The following SPTBN1 variants were observed in gnomAD, a reference collection of about 807,000 sequenced individuals.
The protein encoded by SPTBN1 is spectrin beta chain, non-erythrocytic 1.
Under a neutral mutation model 266.4 loss-of-function variants are expected in SPTBN1, and 32 were observed. The observed-to-expected ratio is 0.12, with a 90% confidence interval of 0.09 to 0.16. The LOEUF is 0.16. Ranked by LOEUF, SPTBN1 falls within the 10% of genes least tolerant of loss-of-function variation. The pLI is 1.00. For synonymous variants in SPTBN1, 1,336 were observed against 1,162.2 expected (o/e 1.15, Z -3.04); for missense variants, 2,296 against 3,067.1 (o/e 0.75, Z 5.94).
At chr2:54,652,146 C>T (rs1040777036) in intron 26 of SPTBN1, among the ~76,000 whole-genome samples, 1 of 152,108 alleles carries the variant, frequency 6.6e-6, no homozygotes, top group Non-Finnish European at 1.5e-5. Flanking sequence ...GTGTCCATTC[C>T]CCTATATGTG....
At chr2:54,612,538 T>C (rs760527874) in intron 4 of SPTBN1, among the ~76,000 whole-genome samples, 2 of 152,190 alleles carry the variant, frequency 1.3e-5, no homozygotes, top group African/African-American at 2.4e-5. Context: ...CCTGCAATTG[T>C]ACTAGCCCTG....
In SPTBN1 at chr2:54,554,919, GTCC is replaced by G. The variant is rs992626565; in HGVS notation, c.148+28367_148+28369del. Among the ~76,000 whole-genome samples the G allele has an allele frequency of 2.0e-5, 3 of 152,000 alleles. No individual in the cohort carries two copies. The highest frequency in any genetic ancestry group is 4.4e-5 in the Non-Finnish European group (3 of 67,992). On this transcript the variant is annotated intron_variant, in intron 2 of 35. Coordinates refer to ENST00000356805, the MANE Select transcript of SPTBN1 (RefSeq NM_003128.3). This position sits in a 1 kb window ranked among gnomAD's most constrained non-coding sequence, Gnocchi z 4.5. ...GTCTCATCTTCATAGCTTCTTCTTC[GTCC>G]TCCTCCTCCTCCTTTCTCGTTATTT...
intron 23 of SPTBN1, 125 bp from the exon 24 acceptor site, chr2:54,647,006 G>C (rs1341992410): frequency 7.2e-7 from 1 of 1,396,424 alleles, no homozygotes; most frequent in Non-Finnish European, 9.8e-7. Context: ...TGTCCGTACT[G>C]CACCTCTGGA....
At chr2:54,618,840 G>A (rs1248487686) in intron 7 of SPTBN1, among the ~76,000 whole-genome samples, 2 of 152,154 alleles carry the variant, frequency 1.3e-5, no homozygotes, top group Non-Finnish European at 2.9e-5. Flanking sequence ...TCTTACAGCT[G>A]CATCCCATTA....
rs1379040363 is a variant in SPTBN1 at position 54,668,977 on chromosome 2, T to C, written c.*408T>C. ...ATCCTGACACCATTCTCTCTCCATT[T>C]ACTTCTGGTGGTTACCCTGACTCTT... is the stretch of plus-strand genomic sequence containing the variant. On this transcript the variant is annotated 3_prime_UTR_variant, in exon 36 of 36. Coordinates refer to ENST00000356805, the MANE Select transcript of SPTBN1 (RefSeq NM_003128.3). The C allele has an allele frequency of 3.6e-5, 8 of 219,452 alleles. No individual in the cohort carries two copies. The highest frequency in any genetic ancestry group is 7.4e-5 in the Non-Finnish European group (8 of 108,644). The allele number at this position is 219,452 out of a possible 1,614,324, so 13.6% of individuals were successfully genotyped here.
intron 1 of SPTBN1, among the ~76,000 whole-genome samples, chr2:54,485,342 C>T (rs535170084): frequency 3.6e-4 from 55 of 152,312 alleles, no homozygotes; most frequent in Non-Finnish European, 6.3e-4. Context: ...AGGCACGCGC[C>T]GCCACGCCTG....
intron 3 of SPTBN1, among the ~76,000 whole-genome samples, chr2:54,610,483 T>C (rs1196204917): frequency 1.3e-5 from 2 of 152,216 alleles, no homozygotes; most frequent in Non-Finnish European, 2.9e-5. Context: ...CAGGCTGGTC[T>C]CAAACTCCTG....
In SPTBN1 at chr2:54,579,255, A is replaced by G. The variant is rs77587351; in HGVS notation, c.149-19837A>G. Among the ~76,000 whole-genome samples, 1,377 of 152,314 alleles carry G rather than the reference A, an allele frequency of 9.0e-3. 22 individuals are homozygous for G. Among genetic ancestry groups the G allele is most frequent in the African/African-American group, 0.03 (1,255 of 41,564 alleles). On this transcript the variant is annotated intron_variant, in intron 2 of 35. Transcript: ENST00000356805. ...GCTTTGACGGCACATAGAATGAAGTATAACAGCTTCCGTTTGACCTGAGGC... is the reference window on the plus strand; with the variant it reads ...GCTTTGACGGCACATAGAATGAAGTGTAACAGCTTCCGTTTGACCTGAGGC...
At chr2:54,456,827 C>T (rs959770206) in intron 1 of SPTBN1, among the ~76,000 whole-genome samples, 3 of 151,316 alleles carry the variant, frequency 2.0e-5, no homozygotes, top group South Asian at 2.1e-4. Context: ...GCCCCAGCCC[C>T]GGCGCGGCGC....
Position 54,558,956 on chromosome 2 carries a change from A to T in SPTBN1, c.148+32390A>T. The T allele has an allele frequency of 6.5e-7, 1 of 1,536,434 alleles. No individual in the cohort carries two copies. The highest frequency in any genetic ancestry group is 1.2e-5 in the South Asian group (1 of 82,726). On this transcript the variant is annotated intron_variant, in intron 2 of 35. Coordinates refer to ENST00000356805, the MANE Select transcript of SPTBN1 (RefSeq NM_003128.3). The surrounding 1 kb of genome is among the most constrained non-coding windows in gnomAD (Gnocchi z 4.6). ...GGGGTTCTTGGAGGCTTTATTTGTG[A>T]CCCTAATGAAGACGGGCGGCTTCAC...
chr2:54,558,041 C>G lies in SPTBN1; in HGVS notation c.148+31475C>G. Reference sequence around the variant, plus strand: ...CCTTGGGGCTCTTCACTCTCCAGGCCGTCCCGTGGGCGCGCTAGCCTTTTC... The same window carrying G: ...CCTTGGGGCTCTTCACTCTCCAGGCGGTCCCGTGGGCGCGCTAGCCTTTTC... On this transcript the variant is annotated intron_variant, in intron 2 of 35. Coordinates refer to ENST00000356805, the MANE Select transcript of SPTBN1 (RefSeq NM_003128.3). The surrounding 1 kb of genome is among the most constrained non-coding windows in gnomAD (Gnocchi z 4.6). The G allele has an allele frequency of 1.0e-6, 1 of 985,420 alleles. No homozygotes were observed. Among genetic ancestry groups the G allele is most frequent in the Non-Finnish European group, 1.2e-6 (1 of 829,930 alleles). 61.0% of individuals were successfully genotyped at this position (985,420 alleles called of 1,614,324 possible).
chr2:54,562,684 C>T (rs1177950146), intron 2 of SPTBN1, among the ~76,000 whole-genome samples: 2 of 132,222 alleles, frequency 1.5e-5, no homozygotes, highest in African/African-American at 3.3e-5. Context: ...GCACTTGCCA[C>T]CAAACCCTGC....
intron 2 of SPTBN1, among the ~76,000 whole-genome samples, chr2:54,532,960 AT>A (rs750134105): frequency 3.6e-4 from 54 of 151,298 alleles, no homozygotes; most frequent in Admixed American, 3.2e-3. Context: ...TCATTATAGG[AT>A]TTTTTTTTCT....
intron 1 of SPTBN1, among the ~76,000 whole-genome samples, chr2:54,478,541 T>C (rs1443489299): frequency 6.6e-6 from 1 of 152,174 alleles, no homozygotes; most frequent in African/African-American, 2.4e-5. Flanking sequence ...CATGATTGTA[T>C]CAAAGAAGAG....
chr2:54,632,630 A>C lies in SPTBN1; in HGVS notation c.3629A>C (p.Lys1210Thr). Residue 1210 changes from lysine (K) to threonine (T), a missense_variant, in exon 17 of 36, where the codon AAG becomes ACG. By Grantham distance (78) the Lys-to-Thr change is moderately conservative. This residue lies in a region of SPTBN1 where 386 missense variants were observed against 486.1 expected (regional missense o/e 0.79). Transcript: ENST00000356805. ...TLEGAEAAIK[K>T]QEDFMTTMDA... ...GAAGGAGCTGAAGCAGCAATTAAAA[A>C]GCAAGAGGACTTCATGACCACCATG... 3 of 1,614,252 alleles carry C rather than the reference A, an allele frequency of 1.9e-6. No individual in the cohort carries two copies. Among genetic ancestry groups the C allele is most frequent in the Non-Finnish European group, 2.5e-6 (3 of 1,180,048 alleles).
At chr2:54,529,205 G>A in intron 2 of SPTBN1, 1 of 331,688 alleles carries the variant, frequency 3.0e-6, no homozygotes, top group Non-Finnish European at 5.9e-6. Context: ...TGTGACTGAT[G>A]CAGAGTACTG....
At chr2:54,468,624 G>A (rs75293325) in intron 1 of SPTBN1, among the ~76,000 whole-genome samples, 250 of 152,288 alleles carry the variant, frequency 1.6e-3, no homozygotes, top group African/African-American at 5.9e-3. Context: ...GCTGTTTTAG[G>A]GGTGGGATGT....
Position 54,668,613 on chromosome 2 carries a change from A to C in SPTBN1, c.*44A>C. ...CTGCCCTTCTCTTACCTTTTCAGTGAAATTCCAGCATGCAAGCTCAGAACC... is the reference window on the plus strand; with the variant it reads ...CTGCCCTTCTCTTACCTTTTCAGTGCAATTCCAGCATGCAAGCTCAGAACC... On this transcript the variant is annotated 3_prime_UTR_variant, in exon 36 of 36. Transcript: ENST00000356805. 6.5e-7 allele frequency: 1 copy of C among 1,545,740 alleles called. No homozygotes were observed. The highest frequency in any genetic ancestry group is 8.8e-7 in the Non-Finnish European group (1 of 1,137,674).
chr2:54,597,009 A>T (rs6749802), intron 2 of SPTBN1, among the ~76,000 whole-genome samples: 1 of 152,068 alleles, frequency 6.6e-6, no homozygotes, highest in East Asian at 1.9e-4. Context: ...AAGAGTGACA[A>T]TTGGCTGAGG....
Sources: gnomAD v4.1 joint callset for allele counts (sites outside exome capture counted in the v4.1 genomes callset) on GRCh38, gnomAD v4.1.1 for gene constraint, gnomAD v4.1.1 regional missense constraint, Gnocchi (gnomAD v3.1) non-coding constraint, MANE v1.5 for transcripts, NCBI Gene and HGNC (gene_info 2026-07-23, HGNC 2026-07-21) for gene names.